Variants in WDPCP observed in about 807,000 individuals in gnomAD.
WDPCP encodes WD repeat-containing and planar cell polarity effector protein fritz homolog.
In WDPCP, 71 loss-of-function variants were observed where a neutral mutation model predicts 93.1. The observed-to-expected ratio is 0.76, with a 90% confidence interval of 0.63 to 0.93. The LOEUF is 0.93. Ranked by LOEUF, WDPCP falls within the 40% of genes least tolerant of loss-of-function variation. The pLI is 0.00. For missense variants in WDPCP, 844 were observed against 887.4 expected (o/e 0.95, Z 0.62); for synonymous variants, 315 against 315.0 (o/e 1.00, Z 0.00).
chr2:63,338,246 GAA>G (rs1688533405), intron 12 of WDPCP, among the ~76,000 whole-genome samples: 1 of 151,922 alleles, frequency 6.6e-6, no homozygotes, highest in Non-Finnish European at 1.5e-5. Flanking sequence ...ATCATTCATT[GAA>G]AAGACTCTCC....
intron 1 of WDPCP, among the ~76,000 whole-genome samples, chr2:63,522,704 A>T (rs1270245696): frequency 6.6e-6 from 1 of 152,200 alleles, no homozygotes; most frequent in Non-Finnish European, 1.5e-5. Flanking sequence ...ACAGCTAGGA[A>T]ATCTACCAGA....
At chr2:63,639,635 C>T (rs908406822) in intron 3 of WDPCP, among the ~76,000 whole-genome samples, 2 of 152,152 alleles carry the variant, frequency 1.3e-5, no homozygotes, top group African/African-American at 4.8e-5. Flanking sequence ...TAAATTTCAA[C>T]ATGAGTTTCA....
intron 2 of WDPCP, among the ~76,000 whole-genome samples, chr2:63,726,599 G>T (rs1020609540): frequency 3.3e-5 from 5 of 152,174 alleles, no homozygotes; most frequent in African/African-American, 1.2e-4. Context: ...TAGTTTGATA[G>T]GAACAGCATT....
chr2:63,369,149 C>G (rs934955242), intron 12 of WDPCP: 7 of 242,412 alleles, frequency 2.9e-5, no homozygotes, highest in African/African-American at 1.5e-4. Flanking sequence ...CATCCCACAG[C>G]TTTAATACAA....
chr2:63,467,579 C>G (rs1699423618), intron 6 of WDPCP, among the ~76,000 whole-genome samples: 1 of 151,792 alleles, frequency 6.6e-6, no homozygotes, highest in Admixed American at 6.6e-5. Flanking sequence ...GAGTTCAAGA[C>G]CACCCTGGCC....
At chr2:63,496,813 A>G (rs910765723) in intron 1 of WDPCP, among the ~76,000 whole-genome samples, 1 of 152,138 alleles carries the variant, frequency 6.6e-6, no homozygotes, top group African/African-American at 2.4e-5. Flanking sequence ...AATCTATCAT[A>G]TAAGGATGGG....
intron 12 of WDPCP, among the ~76,000 whole-genome samples, chr2:63,325,183 C>A (rs1341376348): frequency 1.3e-5 from 2 of 152,164 alleles, no homozygotes; most frequent in African/African-American, 4.8e-5. Context: ...GGCCCTCAGA[C>A]AAACAAACCT....
At chr2:63,592,843 T>C (rs1709225923), upstream of WDPCP, among the ~76,000 whole-genome samples, 1 of 152,052 alleles carries the variant, frequency 6.6e-6, no homozygotes. Flanking sequence ...GTAAATAAAA[T>C]AGACAAAGTT....
intron 15 of WDPCP, among the ~76,000 whole-genome samples, chr2:63,169,996 G>A (rs1354095398): frequency 2.0e-5 from 3 of 150,776 alleles, no homozygotes; most frequent in East Asian, 2.0e-4. Flanking sequence ...GGCCCCAAGC[G>A]ATCCTCCTAC....
intron 3 of WDPCP, among the ~76,000 whole-genome samples, chr2:63,624,597 C>G (rs1223184435): frequency 6.6e-6 from 1 of 152,146 alleles, no homozygotes; most frequent in Non-Finnish European, 1.5e-5. Context: ...TGGATACATT[C>G]CTGCACATAT....
intron 3 of WDPCP, among the ~76,000 whole-genome samples, chr2:63,634,347 C>G (rs1393165098): frequency 6.6e-6 from 1 of 151,982 alleles, no homozygotes; most frequent in Non-Finnish European, 1.5e-5. Context: ...AAATATGCAC[C>G]CAGTATTGGA....
At chr2:63,656,758 T>A (rs1039635156) in intron 2 of WDPCP, among the ~76,000 whole-genome samples, 7 of 152,322 alleles carry the variant, frequency 4.6e-5, no homozygotes, top group African/African-American at 1.7e-4. Context: ...ACATTCAACG[T>A]AGGGACAGAC....
rs556674950 is a variant in WDPCP at position 63,337,522 on chromosome 2, A to G, written c.1749-24211T>C. Among the ~76,000 whole-genome samples the G allele has an allele frequency of 2.0e-5, 3 of 152,330 alleles. No individual in the cohort carries two copies. In the South Asian group the frequency reaches 6.2e-4, roughly 32 times the overall value. ...ATATGCAGTAGTATATATTTAAAGC[A>G]GTAGTAAAATGGCTGAATTATATAG... On this transcript the variant is annotated intron_variant, in intron 12 of 17. Coordinates refer to ENST00000272321, the MANE Select transcript of WDPCP (RefSeq NM_015910.7).
At chr2:63,350,864 C>G (rs1689550175) in intron 12 of WDPCP, among the ~76,000 whole-genome samples, 1 of 152,020 alleles carries the variant, frequency 6.6e-6, no homozygotes, top group Non-Finnish European at 1.5e-5. Flanking sequence ...CTTTTTAGAC[C>G]TTTCCTCCCT....
At chr2:63,501,394 T>C (rs765824483) in intron 1 of WDPCP, among the ~76,000 whole-genome samples, 1 of 152,046 alleles carries the variant, frequency 6.6e-6, no homozygotes, top group Admixed American at 6.5e-5. Context: ...TCAGACCCTG[T>C]CTCTACAAAA....
chr2:63,182,812 T>C (rs1038991749), intron 14 of WDPCP, among the ~76,000 whole-genome samples: 5 of 151,264 alleles, frequency 3.3e-5, no homozygotes, highest in African/African-American at 9.7e-5. Flanking sequence ...GACTTTTTTG[T>C]TACTGATTAA....
chr2:63,832,979 A>C, the WDPCP span, among the ~76,000 whole-genome samples: 2 of 152,206 alleles, frequency 1.3e-5, no homozygotes, highest in African/African-American at 4.8e-5. Flanking sequence ...CAGGCCGGGC[A>C]CAGTGGCTCC....
upstream of WDPCP, chr2:63,593,214 C>T (rs1415179902): frequency 1.2e-5 from 2 of 169,874 alleles, no homozygotes; most frequent in African/African-American, 4.7e-5. Context: ...ATTCACCTGC[C>T]TCAGCCTTCC....
chr2:63,367,059 TATTC>T (rs1386424896), intron 12 of WDPCP, among the ~76,000 whole-genome samples: 3 of 151,054 alleles, frequency 2.0e-5, no homozygotes, highest in African/African-American at 7.3e-5. Flanking sequence ...TGAATATATA[TATTC>T]ATTTATATAT....
Sources: gnomAD v4.1 joint callset for allele counts (sites outside exome capture counted in the v4.1 genomes callset) on GRCh38, gnomAD v4.1.1 for gene constraint, MANE v1.5 for transcripts, NCBI Gene and HGNC (gene_info 2026-07-23, HGNC 2026-07-21) for gene names.